Variants in IRAK2 observed in about 807,000 individuals in gnomAD.
IRAK2 encodes the protein interleukin-1 receptor-associated kinase-like 2.
In IRAK2, 57 loss-of-function variants were observed where a neutral mutation model predicts 72.0. The observed-to-expected ratio is 0.79, with a 90% CI of 0.64 to 0.99. The LOEUF is 0.99. IRAK2 is among the 50% of genes least tolerant of loss of function. The pLI, the probability that IRAK2 is intolerant of heterozygous loss-of-function variation, is 0.00. For missense variants in IRAK2, 790 were observed against 794.4 expected, an observed-to-expected ratio of 0.99 and a Z score of 0.07; for synonymous variants, 293 against 312.7, an observed-to-expected ratio of 0.94 and a Z score of 0.67.
At position 10,223,285 on chromosome 3, in the gene IRAK2, A is replaced by G. The variant is rs534576537; in HGVS notation, c.1209+454A>G. Reference sequence around the variant, plus strand: ...TTTGTTCATCGCTGTCCGATCATCCATCTACCCTTTAGCTGCCCATCCATT... The same window carrying G: ...TTTGTTCATCGCTGTCCGATCATCCGTCTACCCTTTAGCTGCCCATCCATT... On this transcript the variant is annotated intron_variant, in intron 9 of 12. Transcript: ENST00000256458. Among the ~76,000 whole-genome samples the G allele has an allele frequency of 1.1e-4, 17 of 152,252 alleles. No individual in the cohort carries two copies. In the South Asian group the frequency reaches 2.3e-3, roughly 20 times the overall value.
intron 2 of IRAK2, among the ~76,000 whole-genome samples, chr3:10,198,413 G>T (rs1697305927): frequency 6.6e-6 from 1 of 152,168 alleles, no homozygotes; most frequent in South Asian, 2.1e-4. Flanking sequence ...GTCTGCCCCT[G>T]GGGGAATTGG....
chr3:10,241,618 C>T (rs1167252000), intron 12 of IRAK2, among the ~76,000 whole-genome samples: 5 of 146,060 alleles, frequency 3.4e-5, no homozygotes, highest in Admixed American at 6.9e-5. Flanking sequence ...GCTCACAGGC[C>T]GGGCGTGGTG....
At chr3:10,207,954 T>G (rs1697456843) in intron 3 of IRAK2, among the ~76,000 whole-genome samples, 1 of 141,740 alleles carries the variant, frequency 7.1e-6, no homozygotes. Flanking sequence ...ATTGTGCCAC[T>G]GCACTCCAGC....
intron 4 of IRAK2, among the ~76,000 whole-genome samples, chr3:10,211,848 C>T (rs993975495): frequency 5.3e-5 from 8 of 152,108 alleles, no homozygotes; most frequent in East Asian, 3.9e-4. Flanking sequence ...GAGGCCAAGT[C>T]GGGCGGATCA....
At chr3:10,184,889 C>A (rs541070872) in intron 2 of IRAK2, among the ~76,000 whole-genome samples, 13 of 142,500 alleles carry the variant, frequency 9.1e-5, no homozygotes, top group African/African-American at 2.7e-4. Context: ...GCCACCATGC[C>A]CGGCTATTTT....
intron 6 of IRAK2, among the ~76,000 whole-genome samples, chr3:10,215,519 T>G (rs1307871169): frequency 6.6e-6 from 1 of 151,744 alleles, no homozygotes. Context: ...AGCACTACTG[T>G]TTTAATATTT....
intron 2 of IRAK2, among the ~76,000 whole-genome samples, chr3:10,193,721 T>G (rs1349140548): frequency 6.6e-6 from 1 of 152,204 alleles, no homozygotes; most frequent in Non-Finnish European, 1.5e-5. Flanking sequence ...GTTCCTTCCG[T>G]CACCTGCGTC....
intron 6 of IRAK2, among the ~76,000 whole-genome samples, chr3:10,213,963 C>T (rs1027387600): frequency 4.0e-5 from 6 of 151,050 alleles, no homozygotes; most frequent in Non-Finnish European, 5.9e-5. Context: ...GAGTCTTGCT[C>T]TGTCTCCCAG....
rs149325692 is a variant in IRAK2, at chr3:10,200,413, G to A, written c.322G>A (p.Asp108Asn). ...CAGGTGTCCCATTCCAGCCTTCCCT[G>A]ACTCTGTGAAGCCAGAAAAGCCTTT... is the stretch of plus-strand genomic sequence containing the variant. ...EIRCPIPAFPDSVKPEKPLAA... is the reference protein window; with the variant it reads ...EIRCPIPAFPNSVKPEKPLAA... Residue 108 changes from aspartate (D) to asparagine (N), a missense_variant, in exon 3 of 13, where the codon GAC becomes AAC. Physicochemically the swap from Asp to Asn is conservative, Grantham distance 23 (BLOSUM62 1). Transcript: ENST00000256458. 3.4e-5 allele frequency: 54 copies of A among 1,606,934 alleles called. No homozygotes were observed. The African/African-American group carries it at 6.0e-4, about 18-fold the overall frequency.
rs112788063 is a variant in IRAK2, at chr3:10,213,461, T to A, written c.724-23T>A. ...CTGCAGGGGTGGGGCGGGATCTTCA[T>A]GTTCTGATGTCTTTCTCTACAGACA... On this transcript the variant is annotated intron_variant, in intron 5 of 12. Coordinates refer to ENST00000256458, the MANE Select transcript of IRAK2 (RefSeq NM_001570.4). 9.9e-6 allele frequency: 16 copies of A among 1,613,656 alleles called. No homozygotes were observed. In the East Asian group the frequency reaches 1.1e-4, roughly 11 times the overall value.
intron 1 of IRAK2, among the ~76,000 whole-genome samples, chr3:10,167,235 C>T (rs865837251): frequency 6.6e-6 from 1 of 152,088 alleles, no homozygotes; most frequent in African/African-American, 2.4e-5. Flanking sequence ...TTTAATCACC[C>T]GAAGAAGAAA....
intron 11 of IRAK2, among the ~76,000 whole-genome samples, 169 bp downstream of exon 11, chr3:10,234,828 T>C (rs1211326318): frequency 6.6e-6 from 1 of 152,242 alleles, no homozygotes; most frequent in African/African-American, 2.4e-5. Flanking sequence ...GGATGGATAG[T>C]GCGGAGCCCG....
At chr3:10,218,445 A>AC (rs200979342) in intron 7 of IRAK2, among the ~76,000 whole-genome samples, 2 of 129,224 alleles carry the variant, frequency 1.5e-5, no homozygotes, top group African/African-American at 5.6e-5. Context: ...AAAAAAAAAA[A>AC]CCAAAACGGT....
At chr3:10,213,117 C>A in intron 4 of IRAK2, 90 bp from the exon 5 acceptor site, 2 of 1,075,716 alleles carry the variant, frequency 1.9e-6, no homozygotes, top group Non-Finnish European at 2.8e-6. Context: ...TCCCCTCCAT[C>A]CCTCCATCTC....
intron 12 of IRAK2, 151 bp downstream of exon 12, chr3:10,239,190 G>A: frequency 1.4e-6 from 1 of 709,070 alleles, no homozygotes; most frequent in African/African-American, 1.8e-5. Flanking sequence ...AAACCTGGGA[G>A]GCATCCTTGA....
At chr3:10,232,761 TA>T (rs34733213) in intron 10 of IRAK2, among the ~76,000 whole-genome samples, 92,972 of 151,142 alleles carry the variant, frequency 0.62, 28,830 homozygotes, top group East Asian at 0.77. Context: ...TAGTACACTT[TA>T]AAAAAAAAAT....
In IRAK2 at chr3:10,238,910, G is replaced by A. The variant is rs1698009755; in HGVS notation, c.1636G>A (p.Ala546Thr). Residue 546 changes from alanine (A) to threonine (T), a missense_variant, in exon 12 of 13, where the codon GCA (alanine) becomes ACA (threonine). By Grantham distance (58) the Ala-to-Thr change is moderately conservative. Coordinates refer to ENST00000256458, the MANE Select transcript of IRAK2 (RefSeq NM_001570.4). ...TGATGCCTCCTCCTCCATGAGTGTG[G>A]CACCCTGGGCAGGGGCTGCCACCCC... ...SLDASSSMSV[A>T]PWAGAATPLL... 1.9e-6 allele frequency: 3 copies of A among 1,614,130 alleles called. No homozygotes were observed. The highest frequency in any genetic ancestry group is 2.5e-6 in the Non-Finnish European group (3 of 1,180,016).
intron 10 of IRAK2, among the ~76,000 whole-genome samples, chr3:10,232,675 C>A (rs1360775898): frequency 6.6e-6 from 1 of 152,076 alleles, no homozygotes; most frequent in Non-Finnish European, 1.5e-5. Flanking sequence ...CCATTTGGGG[C>A]AAATTGTGAG....
intron 2 of IRAK2, among the ~76,000 whole-genome samples, chr3:10,184,888 C>A (rs997693187): frequency 2.1e-5 from 3 of 143,192 alleles, no homozygotes; most frequent in African/African-American, 8.8e-5. Context: ...CGCCACCATG[C>A]CCGGCTATTT....
Sources: allele counts gnomAD v4.1 joint callset (sites outside exome capture counted in the v4.1 genomes callset), GRCh38; gene constraint gnomAD v4.1.1; transcripts MANE v1.5; gene names NCBI Gene and HGNC (gene_info 2026-07-23, HGNC 2026-07-21).